Variants in PTPRD observed in about 807,000 individuals in gnomAD.
PTPRD encodes the protein protein tyrosine phosphatase receptor type D.
Under a neutral mutation model 214.5 loss-of-function variants are expected in PTPRD, and 34 were observed. The observed-to-expected ratio is 0.16, with a 90% CI of 0.12 to 0.21. The LOEUF is 0.21. Among genes scored for constraint, PTPRD ranks in the 10% least tolerant of loss-of-function variants. PTPRD has a pLI of 1.00. For synonymous variants in PTPRD, 1,128 were observed against 845.7 expected, an observed-to-expected ratio of 1.33 and a Z score of -5.79; for missense variants, 2,545 against 2,398.7, an observed-to-expected ratio of 1.06 and a Z score of -1.27.
At chr9:8,325,051 T>C (rs889334387) in intron 44 of PTPRD, among the ~76,000 whole-genome samples, 1 of 150,844 alleles carries the variant, frequency 6.6e-6, no homozygotes, top group African/African-American at 2.5e-5. Flanking sequence ...GTAGGTTGCC[T>C]GTTCACTCTG....
intron 12 of PTPRD, among the ~76,000 whole-genome samples, chr9:8,675,244 A>C (rs1466363225): frequency 6.6e-6 from 1 of 151,992 alleles, no homozygotes; most frequent in Non-Finnish European, 1.5e-5. Context: ...GCCCTCTCTA[A>C]GCCTCTAGTT....
At chr9:9,497,109 C>G (rs1170281452) in intron 8 of PTPRD, among the ~76,000 whole-genome samples, 2 of 152,064 alleles carry the variant, frequency 1.3e-5, no homozygotes, top group African/African-American at 2.4e-5. Context: ...AATGGGGAAT[C>G]CTTGTTCAAT....
chr9:9,853,557 T>A (rs1423156608), intron 5 of PTPRD, among the ~76,000 whole-genome samples: 1 of 152,078 alleles, frequency 6.6e-6, no homozygotes, highest in Non-Finnish European at 1.5e-5. Flanking sequence ...TGTTGTTTTT[T>A]GGTTTTTTTT....
chr9:10,117,586 C>G lies in PTPRD; in HGVS notation c.-544-83796G>C, dbSNP rs116780723. Among the ~76,000 whole-genome samples the G allele has an allele frequency of 4.5e-3, 654 of 145,476 alleles. 5 individuals are homozygous for G. The highest frequency in any genetic ancestry group is 0.016 in the African/African-American group (628 of 39,532). ...TCTACCTCCTTCTTCACTTGGCCTT[C>G]TTCCCTGTATGGATTAAATCTCCCC... On this transcript the variant is annotated intron_variant, in intron 3 of 45. Coordinates refer to ENST00000381196, the MANE Select transcript of PTPRD (RefSeq NM_002839.4).
chr9:9,077,809 A>C (rs948612499), intron 10 of PTPRD, among the ~76,000 whole-genome samples: 1 of 152,042 alleles, frequency 6.6e-6, no homozygotes, highest in African/African-American at 2.4e-5. Context: ...TGTGAAAGGG[A>C]ATGACCCCAG....
At chr9:9,380,700 GA>G (rs1345506846) in intron 9 of PTPRD, among the ~76,000 whole-genome samples, 1 of 152,124 alleles carries the variant, frequency 6.6e-6, no homozygotes, top group African/African-American at 2.4e-5. Flanking sequence ...ATATCCAATT[GA>G]TGGATAGCGT....
At position 9,031,460 on chromosome 9, in the gene PTPRD, G is replaced by A. The variant is rs1158254071; in HGVS notation, c.-142-12725C>T. 1.1e-4 allele frequency among the ~76,000 whole-genome samples: 16 copies of A among 152,122 alleles called. No individual in the cohort carries two copies. In the South Asian group the frequency reaches 3.3e-3, roughly 32 times the overall value. On this transcript the variant is annotated intron_variant, in intron 10 of 45. Transcript: ENST00000381196. Reference sequence around the variant, plus strand: ...GTCACAACGTGTACAGCACGTTACTGTATTGAATACTGTAGTCAATTGTAA... The same window carrying A: ...GTCACAACGTGTACAGCACGTTACTATATTGAATACTGTAGTCAATTGTAA...
intron 2 of PTPRD, among the ~76,000 whole-genome samples, chr9:10,500,954 G>C (rs1007767858): frequency 6.6e-6 from 1 of 151,786 alleles, no homozygotes; most frequent in Non-Finnish European, 1.5e-5. Flanking sequence ...GGACACTTAG[G>C]TTGCTTACAA....
Position 10,077,831 on chromosome 9 carries a change from T to G in PTPRD, c.-544-44041A>C, listed in dbSNP as rs970935044. On this transcript the variant is annotated intron_variant, in intron 3 of 45. Transcript: ENST00000381196. The stretch of plus-strand genomic sequence containing the variant: ...GTTGCTGCAAAGGACATGATCTCTC[T>G]TTTTTTTTTTTTAAAAGGTTGCACA... Among the ~76,000 whole-genome samples, 14 of 72,528 alleles carry G rather than the reference T, an allele frequency of 1.9e-4. No individual in the cohort carries two copies. In the East Asian group the frequency reaches 6.7e-3, roughly 35 times the overall value. The allele number at this position is 72,528 out of a possible 152,430, so 47.6% of individuals were successfully genotyped here. A position where few individuals can be genotyped will look rare whatever the true frequency, so the allele number is the denominator to read the frequency against.
chr9:8,627,735 C>G (rs914010663), intron 14 of PTPRD, among the ~76,000 whole-genome samples: 1 of 151,744 alleles, frequency 6.6e-6, no homozygotes, highest in Non-Finnish European at 1.5e-5. Context: ...ACTTTCTCCC[C>G]CAGATTTTCA....
At chr9:10,085,308 G>C (rs1326530837) in intron 3 of PTPRD, among the ~76,000 whole-genome samples, 1 of 151,766 alleles carries the variant, frequency 6.6e-6, no homozygotes, top group Non-Finnish European at 1.5e-5. Flanking sequence ...TTATTTTTAA[G>C]TTCCTGATTA....
intron 3 of PTPRD, among the ~76,000 whole-genome samples, chr9:10,084,020 G>A (rs2098286783): frequency 6.6e-6 from 1 of 151,904 alleles, no homozygotes. Flanking sequence ...ACTTTAGATA[G>A]ATCATTTAAA....
At chr9:8,592,914 A>G (rs1353782351) in intron 14 of PTPRD, among the ~76,000 whole-genome samples, 1 of 152,258 alleles carries the variant, frequency 6.6e-6, no homozygotes, top group East Asian at 1.9e-4. Flanking sequence ...GAGGTTTGAC[A>G]GAAAGAATCA....
chr9:8,556,931 T>A (rs933884029), intron 14 of PTPRD, among the ~76,000 whole-genome samples: 2 of 152,192 alleles, frequency 1.3e-5, no homozygotes, highest in African/African-American at 4.8e-5. Context: ...ACCTTTATAG[T>A]CCTTATATGC....
intron 11 of PTPRD, among the ~76,000 whole-genome samples, chr9:8,918,415 A>T (rs1175289376): frequency 6.6e-6 from 1 of 152,142 alleles, no homozygotes; most frequent in African/African-American, 2.4e-5. Context: ...ACTGTTTTTT[A>T]AACAGTGGAT....
At chr9:9,300,284 C>G (rs753817464) in intron 9 of PTPRD, among the ~76,000 whole-genome samples, 47 of 151,676 alleles carry the variant, frequency 3.1e-4, no homozygotes, top group Non-Finnish European at 5.9e-4. Context: ...CCCTGCTTCT[C>G]TGGAACTAAT....
intron 11 of PTPRD, among the ~76,000 whole-genome samples, chr9:8,761,627 T>C (rs2094421347): frequency 6.6e-6 from 1 of 152,172 alleles, no homozygotes; most frequent in African/African-American, 2.4e-5. Context: ...GTTACAATCC[T>C]AAGAACGTAT....
At position 9,034,996 on chromosome 9, in the gene PTPRD, G is replaced by A. The variant is rs375941215; in HGVS notation, c.-142-16261C>T. Among the ~76,000 whole-genome samples the A allele has an allele frequency of 4.6e-5, 7 of 152,044 alleles. No homozygotes were observed. The East Asian group carries it at 1.2e-3, about 25-fold the overall frequency. ...TCATCTCTTTGCAGGAGGGACTTCT[G>A]GGGACCTGTAAGAGAACTAAGGTGA... On this transcript the variant is annotated intron_variant, in intron 10 of 45. Transcript: ENST00000381196.
At chr9:9,469,294 TTA>T (rs1440383628) in intron 8 of PTPRD, among the ~76,000 whole-genome samples, 1 of 152,184 alleles carries the variant, frequency 6.6e-6, no homozygotes, top group African/African-American at 2.4e-5. Flanking sequence ...GTGACTTGCA[TTA>T]TCTTTGGATA....
Sources: allele counts gnomAD v4.1 joint callset (sites outside exome capture counted in the v4.1 genomes callset), GRCh38; gene constraint gnomAD v4.1.1; transcripts MANE v1.5; gene names NCBI Gene and HGNC (gene_info 2026-07-23, HGNC 2026-07-21).